Variants in GUCY1A2 observed in about 807,000 individuals in gnomAD.
The protein encoded by GUCY1A2 is guanylate cyclase soluble subunit alpha-2.
A neutral mutation model predicts 63.5 loss-of-function variants in GUCY1A2; 27 were observed. The ratio of observed to expected loss-of-function variants is 0.43; its 90% CI spans 0.31 to 0.59. GUCY1A2 has a LOEUF of 0.59. Ranked by LOEUF, GUCY1A2 falls within the 20% of genes least tolerant of loss-of-function variation. The pLI is 0.11. For synonymous variants in GUCY1A2, 364 were observed against 343.5 expected (o/e 1.06, Z -0.66); for missense variants, 768 against 913.3 (o/e 0.84, Z 2.05).
At chr11:106,867,024 T>A (rs1487998144) in intron 4 of GUCY1A2, among the ~76,000 whole-genome samples, 1 of 152,044 alleles carries the variant, frequency 6.6e-6, no homozygotes, top group Admixed American at 6.6e-5. Flanking sequence ...TAGAATACTA[T>A]CTATGCATTT....
chr11:106,798,848 C>T (rs1283873277), intron 5 of GUCY1A2, among the ~76,000 whole-genome samples: 1 of 152,056 alleles, frequency 6.6e-6, no homozygotes, highest in Non-Finnish European at 1.5e-5. Context: ...CCTTTGAAAA[C>T]TGGCACAAGA....
chr11:106,738,837 C>T lies in GUCY1A2; in HGVS notation c.1837-30171G>A, dbSNP rs186087414. 7.8e-4 allele frequency among the ~76,000 whole-genome samples: 119 copies of T among 152,202 alleles called. 1 individual carries two copies. Among genetic ancestry groups the T allele is most frequent in the Middle Eastern group, 3.4e-3 (1 of 294 alleles). ...AAGTCAGGTAGTGTGATGCCTCCAG[C>T]TTAGTTCTTTTTGCTTGGGATTGTC... On this transcript the variant is annotated intron_variant, in intron 6 of 7. Transcript: ENST00000526355.
intron 6 of GUCY1A2, among the ~76,000 whole-genome samples, chr11:106,748,937 G>A (rs1364745180): frequency 6.6e-6 from 1 of 151,966 alleles, no homozygotes; most frequent in African/African-American, 2.4e-5. Context: ...TTTTGTCTCT[G>A]TATGCCCAGT....
chr11:106,879,948 T>C (rs1023320642), intron 4 of GUCY1A2, among the ~76,000 whole-genome samples: 1 of 152,114 alleles, frequency 6.6e-6, no homozygotes, highest in African/African-American at 2.4e-5. Context: ...CGTTATATTG[T>C]ATGGCAGATG....
At chr11:106,851,859 T>C (rs971234941) in intron 4 of GUCY1A2, among the ~76,000 whole-genome samples, 3 of 152,002 alleles carry the variant, frequency 2.0e-5, no homozygotes, top group Non-Finnish European at 4.4e-5. Flanking sequence ...ATACAAATTT[T>C]AGGATATTTT....
chr11:107,003,122 T>C (rs779236289), intron 1 of GUCY1A2, among the ~76,000 whole-genome samples: 5 of 152,202 alleles, frequency 3.3e-5, no homozygotes, highest in Non-Finnish European at 7.3e-5. Flanking sequence ...TCACAGGTGC[T>C]GCTGTCTCTA....
intron 1 of GUCY1A2, among the ~76,000 whole-genome samples, chr11:107,007,980 T>C (rs1861694555): frequency 1.3e-5 from 2 of 149,574 alleles, no homozygotes; most frequent in Non-Finnish European, 2.9e-5. Context: ...CTACAGGCAT[T>C]TTAAGATAAT....
intron 4 of GUCY1A2, among the ~76,000 whole-genome samples, chr11:106,814,644 C>T (rs184323151): frequency 8.5e-5 from 13 of 152,096 alleles, no homozygotes; most frequent in African/African-American, 2.2e-4. Context: ...TGCTCTGCAC[C>T]CTCAAGCAGC....
At chr11:106,913,720 C>T (rs1860327402) in intron 4 of GUCY1A2, among the ~76,000 whole-genome samples, 1 of 151,994 alleles carries the variant, frequency 6.6e-6, no homozygotes, top group South Asian at 2.1e-4. Flanking sequence ...ACCTAATGTG[C>T]TATGTAAATT....
chr11:106,732,176 G>A (rs922818091), intron 6 of GUCY1A2, among the ~76,000 whole-genome samples: 1 of 152,064 alleles, frequency 6.6e-6, no homozygotes, highest in Non-Finnish European at 1.5e-5. Flanking sequence ...TACAAAAACA[G>A]ACACACAGAC....
At chr11:107,003,876 G>C (rs1160286327) in intron 1 of GUCY1A2, among the ~76,000 whole-genome samples, 1 of 152,140 alleles carries the variant, frequency 6.6e-6, no homozygotes, top group Non-Finnish European at 1.5e-5. Flanking sequence ...AACCATGAAA[G>C]GGTAGAGAAG....
chr11:106,953,821 T>C (rs978689137), intron 3 of GUCY1A2, among the ~76,000 whole-genome samples: 2 of 152,224 alleles, frequency 1.3e-5, no homozygotes, highest in Non-Finnish European at 2.9e-5. Context: ...AAGGTGTTTA[T>C]AGTATTCTCT....
chr11:106,920,158 A>G (rs962379281), intron 4 of GUCY1A2, among the ~76,000 whole-genome samples: 1 of 151,896 alleles, frequency 6.6e-6, no homozygotes, highest in Admixed American at 6.6e-5. Context: ...ATTAAAAAAA[A>G]CCACACACAC....
chr11:106,787,656 C>T (rs147274396), intron 5 of GUCY1A2, among the ~76,000 whole-genome samples: 296 of 139,944 alleles, frequency 2.1e-3, no homozygotes, highest in African/African-American at 7.6e-3. Context: ...CTGTGCCTGG[C>T]TTGTTTCAGT....
At chr11:106,942,262 T>C (rs1860761881) in intron 3 of GUCY1A2, among the ~76,000 whole-genome samples, 1 of 152,198 alleles carries the variant, frequency 6.6e-6, no homozygotes, top group Admixed American at 6.5e-5. Context: ...AACTCTCATC[T>C]CTTTTGGCTT....
intron 4 of GUCY1A2, among the ~76,000 whole-genome samples, chr11:106,909,355 CTGTGTGTGTGTGTGTG>C (rs59067320): frequency 2.5e-5 from 3 of 119,978 alleles, no homozygotes; most frequent in African/African-American, 6.4e-5. Context: ...TGGTACTCAT[CTGTGTGTGTGTGTGTG>C]TGTGTGTGTG....
At chr11:106,904,142 T>A (rs12421647) in intron 4 of GUCY1A2, among the ~76,000 whole-genome samples, 6,169 of 152,166 alleles carry the variant, frequency 0.041, 668 homozygotes, top group East Asian at 0.3. Flanking sequence ...TACAAAAAAA[T>A]TTATAAAACA....
At chr11:106,831,652 T>C (rs1859052605) in intron 4 of GUCY1A2, among the ~76,000 whole-genome samples, 1 of 152,182 alleles carries the variant, frequency 6.6e-6, no homozygotes, top group African/African-American at 2.4e-5. Flanking sequence ...GCCACTTGTC[T>C]AAGATGGTAA....
In GUCY1A2 at chr11:107,018,102, G is replaced by GA; in HGVS notation, c.-48dup. ...GCCGAGGCGGTGGCGGCGAGGACGC[G>GA]AGCGGCGGCGGAGGCGGCGGTGGCG... is the stretch of plus-strand genomic sequence containing the variant. On this transcript the variant is annotated 5_prime_UTR_variant, in exon 1 of 8. Coordinates refer to ENST00000526355, the MANE Select transcript of GUCY1A2 (RefSeq NM_000855.3). The GA allele has an allele frequency of 7.8e-7, 1 of 1,288,146 alleles. No homozygotes were observed. Among genetic ancestry groups the GA allele is most frequent in the East Asian group, 3.3e-5 (1 of 30,046 alleles). 79.8% of individuals were successfully genotyped at this position (1,288,146 alleles called of 1,614,324 possible). A position where few individuals can be genotyped will look rare whatever the true frequency, so the allele number is the denominator to read the frequency against.
Sources: allele counts gnomAD v4.1 joint callset (sites outside exome capture counted in the v4.1 genomes callset), GRCh38; gene constraint gnomAD v4.1.1; transcripts MANE v1.5; gene names NCBI Gene and HGNC (gene_info 2026-07-23, HGNC 2026-07-21).